The following WDR27 variants were observed in gnomAD, a reference collection of about 807,000 sequenced individuals.
WDR27 encodes the protein WD repeat-containing protein 27.
In WDR27, 100 loss-of-function variants were observed where a neutral mutation model predicts 114.4. The ratio of observed to expected loss-of-function variants is 0.87; its 90% CI spans 0.74 to 1.03. The LOEUF (loss-of-function observed/expected upper bound fraction) is 1.03. Ranked by LOEUF, WDR27 falls within the 50% of genes least tolerant of loss-of-function variation. The probability of loss-of-function intolerance (pLI) is 0.00; values close to 1 mark genes in which losing one functional copy is unlikely to be tolerated. For synonymous variants in WDR27, 449 were observed against 423.1 expected (o/e 1.06, Z -0.75); for missense variants, 1,129 against 1,092.9 (o/e 1.03, Z -0.47).
intron 13 of WDR27, among the ~76,000 whole-genome samples, chr6:169,655,573 C>T (rs1028746170): frequency 1.3e-5 from 2 of 152,164 alleles, no homozygotes; most frequent in East Asian, 3.9e-4. Context: ...GAATATTACT[C>T]TACATATAAA....
chr6:169,476,666 A>T (rs538781093), intron 25 of WDR27, among the ~76,000 whole-genome samples: 2 of 151,594 alleles, frequency 1.3e-5, no homozygotes, highest in South Asian at 4.2e-4. Context: ...AATTTTCCCC[A>T]TGGCTATTTT....
At chr6:169,535,122 C>A (rs986096651) in intron 25 of WDR27, among the ~76,000 whole-genome samples, 1 of 152,112 alleles carries the variant, frequency 6.6e-6, no homozygotes, top group Non-Finnish European at 1.5e-5. Flanking sequence ...TGAACAAGCA[C>A]GTAATTTTCA....
rs1038064319 is a variant in WDR27, at chr6:169,624,580, C to T, written c.2223+8367G>A. On this transcript the variant is annotated intron_variant, in intron 21 of 25. Coordinates refer to ENST00000448612, the MANE Select transcript of WDR27 (RefSeq NM_182552.5). ...CAGGACCTAAATCGAAAACAGCCAT[C>T]GACCGTTTCCAGGGAGTCAGGTGAC... Among the ~76,000 whole-genome samples, 23 of 152,156 alleles carry T rather than the reference C, an allele frequency of 1.5e-4. 1 individual carries two copies. Among genetic ancestry groups the T allele is most frequent in the Admixed American group, 1.3e-3 (20 of 15,276 alleles).
chr6:169,463,542 A>T (rs1785175896), intron 25 of WDR27, among the ~76,000 whole-genome samples: 1 of 152,234 alleles, frequency 6.6e-6, no homozygotes, highest in Non-Finnish European at 1.5e-5. Context: ...TTCAAGCCAG[A>T]GCATTTGGGC....
intron 1 of WDR27, among the ~76,000 whole-genome samples, chr6:169,699,748 G>A (rs1004069574): frequency 2.6e-5 from 4 of 152,134 alleles, no homozygotes; most frequent in Non-Finnish European, 4.4e-5. Flanking sequence ...TTGTGGGGCC[G>A]AGGCAGAAGG....
rs1340358164 is a variant in WDR27, at chr6:169,583,487, ACATATATATATATATATG to A, written c.2425-571_2425-554del. 4.6e-3 allele frequency among the ~76,000 whole-genome samples: 13 copies of A among 2,840 alleles called. No individual in the cohort carries two copies. The South Asian group carries it at 0.047, about 10-fold the overall frequency. The allele number at this position is 2,840 out of a possible 152,430, so 1.9% of individuals were successfully genotyped here. ...ATTGTGTGTGTGTGTGTGTATATAT[ACATATATATATATATATG>A]TATATATACACACACACACACACAC... is the stretch of plus-strand genomic sequence containing the variant. On this transcript the variant is annotated intron_variant, in intron 23 of 25. Transcript: ENST00000448612.
chr6:169,643,637 C>G, intron 17 of WDR27, 60 bp downstream of exon 17: 2 of 1,430,932 alleles, frequency 1.4e-6, no homozygotes, highest in South Asian at 1.2e-5. Context: ...AACTGATAAC[C>G]AGGACCTAAG....
chr6:169,622,391 A>G (rs1038946506), intron 21 of WDR27, among the ~76,000 whole-genome samples: 1 of 152,210 alleles, frequency 6.6e-6, no homozygotes, highest in South Asian at 2.1e-4. Context: ...TTCAGGGTTC[A>G]CACACACGCA....
chr6:169,454,885 C>T (rs1228601403), downstream of WDR27, among the ~76,000 whole-genome samples: 1 of 152,242 alleles, frequency 6.6e-6, no homozygotes, highest in East Asian at 1.9e-4. Flanking sequence ...CACTTGTCCA[C>T]AGGTGTGTGC....
At chr6:169,565,229 G>A (rs1441344027) in intron 25 of WDR27, among the ~76,000 whole-genome samples, 12 of 152,186 alleles carry the variant, frequency 7.9e-5, no homozygotes, top group Non-Finnish European at 1.2e-4. Flanking sequence ...TGCTTCTGCC[G>A]AGACTGAAGG....
At chr6:169,655,716 GTT>G (rs1394571159) in intron 13 of WDR27, among the ~76,000 whole-genome samples, 1 of 151,962 alleles carries the variant, frequency 6.6e-6, no homozygotes, top group South Asian at 2.1e-4. Context: ...GCAGGGCAGA[GTT>G]TTTTTTGTTT....
chr6:169,443,714 C>T, the WDR27 span, among the ~76,000 whole-genome samples: 1 of 152,328 alleles, frequency 6.6e-6, no homozygotes, highest in East Asian at 1.9e-4. Context: ...GGCCTGATGT[C>T]ATCGCTCAGC....
At chr6:169,639,519 G>A (rs1006433015) in intron 17 of WDR27, among the ~76,000 whole-genome samples, 2 of 151,650 alleles carry the variant, frequency 1.3e-5, no homozygotes, top group Non-Finnish European at 2.9e-5. Flanking sequence ...TTGATCATTT[G>A]TTGTGACAGA....
At chr6:169,495,009 T>C (rs899921710) in intron 25 of WDR27, among the ~76,000 whole-genome samples, 2 of 152,216 alleles carry the variant, frequency 1.3e-5, no homozygotes, top group Admixed American at 1.3e-4. Flanking sequence ...CGTAAGTCAA[T>C]GTTTAAAATA....
intron 23 of WDR27, among the ~76,000 whole-genome samples, chr6:169,593,805 C>T (rs1050669747): frequency 5.9e-5 from 9 of 151,972 alleles, no homozygotes; most frequent in Admixed American, 1.3e-4. Context: ...GCTGAGATCG[C>T]GGCACTGAAC....
At position 169,457,510 on chromosome 6, in the gene WDR27, G is replaced by T; in HGVS notation, c.*82C>A. ...AAACAGTTGCTGCTTCTGGCCCCCT[G>T]ATGGATGAACCACTACTTCTTACTT... On this transcript the variant is annotated 3_prime_UTR_variant, in exon 26 of 26. Transcript: ENST00000448612. 1 of 1,256,910 alleles carries T rather than the reference G, an allele frequency of 8.0e-7. No individual in the cohort carries two copies. Among genetic ancestry groups the T allele is most frequent in the Non-Finnish European group, 1.1e-6 (1 of 918,128 alleles). 77.9% of individuals were successfully genotyped at this position (1,256,910 alleles called of 1,614,324 possible).
chr6:169,664,360 G>A, intron 7 of WDR27, 74 bp from the exon 8 acceptor site: 2 of 1,605,110 alleles, frequency 1.2e-6, no homozygotes, highest in Non-Finnish European at 1.7e-6. Flanking sequence ...CACCAGAGGT[G>A]GAGCAGGGAG....
At chr6:169,592,373 G>T (rs1039150805) in intron 23 of WDR27, among the ~76,000 whole-genome samples, 1 of 151,974 alleles carries the variant, frequency 6.6e-6, no homozygotes, top group Non-Finnish European at 1.5e-5. Flanking sequence ...CTACACTTCT[G>T]GGGGAAAAAA....
intron 25 of WDR27, among the ~76,000 whole-genome samples, chr6:169,530,331 C>A (rs895110532): frequency 4.6e-5 from 7 of 152,182 alleles, no homozygotes; most frequent in African/African-American, 1.2e-4. Context: ...TCAAGAGAAA[C>A]CCCCATGACC....
Sources: allele counts gnomAD v4.1 joint callset (sites outside exome capture counted in the v4.1 genomes callset), GRCh38; gene constraint gnomAD v4.1.1; transcripts MANE v1.5; gene names NCBI Gene and HGNC (gene_info 2026-07-23, HGNC 2026-07-21).